The following ARHGAP35 variants were observed in gnomAD, a reference collection of about 807,000 sequenced individuals.
The protein encoded by ARHGAP35 is Rho GTPase activating protein 35, also known as rho GTPase-activating protein 35.
ARHGAP35 carries 15 observed loss-of-function variants against 111.1 expected under a neutral mutation model. The ratio of observed to expected loss-of-function variants is 0.13; its 90% CI spans 0.09 to 0.21. The LOEUF is 0.21. Ranked by LOEUF, ARHGAP35 falls within the 10% of genes least tolerant of loss-of-function variation. ARHGAP35 has a pLI of 1.00. For synonymous variants in ARHGAP35, 643 were observed against 710.3 expected (o/e 0.91, Z 1.51); for missense variants, 1,262 against 1,873.0 (o/e 0.67, Z 6.02).
intron 3 of ARHGAP35, among the ~76,000 whole-genome samples, chr19:46,963,635 C>CT (rs1306528758): frequency 6.6e-6 from 1 of 152,154 alleles, no homozygotes; most frequent in African/African-American, 2.4e-5. Context: ...TAACTTTTAG[C>CT]TTATCTTTTA....
intron 1 of ARHGAP35, among the ~76,000 whole-genome samples, chr19:46,870,660 G>A (rs2055883031): frequency 6.6e-6 from 1 of 152,146 alleles, no homozygotes; most frequent in Admixed American, 6.5e-5. Flanking sequence ...TGAGGAAGAA[G>A]AGAAAAAGAC....
intron 1 of ARHGAP35, among the ~76,000 whole-genome samples, chr19:46,917,587 T>C (rs1233543059): frequency 6.6e-6 from 1 of 152,122 alleles, no homozygotes. Context: ...CAGCCTGGGC[T>C]ACAGAGCAGG....
At chr19:46,949,815 A>G (rs762763968) in intron 3 of ARHGAP35, among the ~76,000 whole-genome samples, 5 of 152,228 alleles carry the variant, frequency 3.3e-5, no homozygotes, top group Non-Finnish European at 7.3e-5. Flanking sequence ...AGTGCCTGGC[A>G]CATAGTGATC....
chr19:46,963,993 G>A (rs185910351), intron 3 of ARHGAP35, among the ~76,000 whole-genome samples: 18 of 151,844 alleles, frequency 1.2e-4, no homozygotes, highest in African/African-American at 4.1e-4. Flanking sequence ...TCAGCCTCCC[G>A]AGTAGCTGGG....
In ARHGAP35 at chr19:46,989,385, C is replaced by T. The variant is rs2056667836; in HGVS notation, c.3905-159C>T. On this transcript the variant is annotated intron_variant, in intron 4 of 6. Transcript: ENST00000672722. This position sits in a 1 kb window ranked among gnomAD's most constrained non-coding sequence, Gnocchi z 5.3. ...CAGCCCATGCCTGAACCTCAGAACT[C>T]GCGTTAGCGCTCACAAGTCCCACCC... 3 of 885,000 alleles carry T rather than the reference C, an allele frequency of 3.4e-6. No homozygotes were observed. Among genetic ancestry groups the T allele is most frequent in the East Asian group, 2.8e-5 (1 of 35,586 alleles). The allele number at this position is 885,000 out of a possible 1,614,324, so 54.8% of individuals were successfully genotyped here. A position where few individuals can be genotyped will look rare whatever the true frequency, so the allele number is the denominator to read the frequency against.
intron 1 of ARHGAP35, among the ~76,000 whole-genome samples, chr19:46,878,681 A>C (rs908737324): frequency 2.0e-5 from 3 of 151,302 alleles, no homozygotes; most frequent in African/African-American, 7.3e-5. Flanking sequence ...CATTCTGTTG[A>C]CCAGCCTGGA....
rs2056239674 is a variant in ARHGAP35 at position 46,926,623 on chromosome 19, T to A, written c.3681+4267T>A. ...CCTTCTATCTGATGTGTTCTTATTT[T>A]GGTGCTAAAAAAAAAAAGACAAAAC... On this transcript the variant is annotated intron_variant, in intron 2 of 6. Transcript: ENST00000672722. The surrounding 1 kb of genome is among the most constrained non-coding windows in gnomAD (Gnocchi z 4.1). Among the ~76,000 whole-genome samples, 1 of 151,412 alleles carries A rather than the reference T, an allele frequency of 6.6e-6. No homozygotes were observed. Among genetic ancestry groups the A allele is most frequent in the Non-Finnish European group, 1.5e-5 (1 of 67,988 alleles).
chr19:46,886,127 C>T (rs1157196335), intron 1 of ARHGAP35, among the ~76,000 whole-genome samples: 1 of 152,122 alleles, frequency 6.6e-6, no homozygotes, highest in Non-Finnish European at 1.5e-5. Flanking sequence ...TGTCGTCGTC[C>T]GTCCTGGAGT....
chr19:46,971,380 C>T (rs140150216), intron 3 of ARHGAP35, among the ~76,000 whole-genome samples: 3,033 of 151,936 alleles, frequency 0.02, 107 homozygotes, highest in African/African-American at 0.068. Context: ...TACTCCAGCC[C>T]GGGCGACAGA....
chr19:46,976,180 G>A (rs1051975916), intron 3 of ARHGAP35, among the ~76,000 whole-genome samples: 2 of 144,706 alleles, frequency 1.4e-5, no homozygotes, highest in Admixed American at 1.4e-4. Flanking sequence ...CTTTCCCACA[G>A]TCCAAATAGT....
intron 1 of ARHGAP35, among the ~76,000 whole-genome samples, chr19:46,868,864 CTT>C (rs1021846810): frequency 1.6e-5 from 2 of 123,252 alleles, no homozygotes; most frequent in African/African-American, 6.2e-5. Context: ...CATCTTTCCT[CTT>C]GAGTTATTTA....
chr19:46,876,622 C>T (rs752185801), intron 1 of ARHGAP35, among the ~76,000 whole-genome samples: 7 of 151,968 alleles, frequency 4.6e-5, no homozygotes, highest in South Asian at 2.1e-4. Flanking sequence ...TCACCTGCCT[C>T]GGCCTCCCAA....
intron 3 of ARHGAP35, among the ~76,000 whole-genome samples, chr19:46,951,746 A>G (rs1186138828): frequency 6.6e-6 from 1 of 152,134 alleles, no homozygotes; most frequent in Non-Finnish European, 1.5e-5. Context: ...TGTGCTGGCC[A>G]TCCCCTTCAT....
At chr19:46,885,932 A>G (rs1199373066) in intron 1 of ARHGAP35, among the ~76,000 whole-genome samples, 7 of 152,164 alleles carry the variant, frequency 4.6e-5, no homozygotes, top group Non-Finnish European at 8.8e-5. Context: ...GCACCCAGCT[A>G]TAAATAGATT....
At chr19:46,984,728 C>T (rs756080114) in intron 3 of ARHGAP35, among the ~76,000 whole-genome samples, 6 of 152,186 alleles carry the variant, frequency 3.9e-5, no homozygotes, top group Non-Finnish European at 8.8e-5. Context: ...TGCTCTGGTA[C>T]GGCCTCGTGC....
At chr19:46,984,336 T>C (rs2056637522) in intron 3 of ARHGAP35, among the ~76,000 whole-genome samples, 1 of 152,056 alleles carries the variant, frequency 6.6e-6, no homozygotes, top group South Asian at 2.1e-4. Context: ...GTAGGAACAG[T>C]GGGGTGTTCT....
chr19:46,987,959 G>C, intron 3 of ARHGAP35, 30 bp from the exon 4 acceptor site: 1 of 1,610,244 alleles, frequency 6.2e-7, no homozygotes, highest in Non-Finnish European at 8.5e-7. Context: ...TCCAGTTCCT[G>C]CTCCTAAGAC....
chr19:46,907,631 A>G (rs566455496), intron 1 of ARHGAP35, among the ~76,000 whole-genome samples: 11 of 148,690 alleles, frequency 7.4e-5, no homozygotes, highest in Non-Finnish European at 1.2e-4. Flanking sequence ...GGCGCCCACC[A>G]CTATGACCGG....
At chr19:46,874,699 T>C (rs2055907434) in intron 1 of ARHGAP35, among the ~76,000 whole-genome samples, 1 of 150,980 alleles carries the variant, frequency 6.6e-6, no homozygotes, top group African/African-American at 2.4e-5. Context: ...GAGACGGAGT[T>C]TCACCTTATT....
Sources: gnomAD v4.1 joint callset for allele counts (sites outside exome capture counted in the v4.1 genomes callset) on GRCh38, gnomAD v4.1.1 for gene constraint, Gnocchi (gnomAD v3.1) non-coding constraint, MANE v1.5 for transcripts, NCBI Gene and HGNC (gene_info 2026-07-23, HGNC 2026-07-21) for gene names.